The following SLC9A9 variants were observed in gnomAD, a reference collection of about 807,000 sequenced individuals.
SLC9A9 encodes the protein sodium/hydrogen exchanger 9.
SLC9A9 carries 62 observed loss-of-function variants against 77.8 expected under a neutral mutation model. The ratio of observed to expected loss-of-function variants is 0.80; its 90% CI spans 0.65 to 0.98. The LOEUF (loss-of-function observed/expected upper bound fraction) is 0.98, where lower values mean the gene tolerates loss of function less well. SLC9A9 is among the 50% of genes least tolerant of loss of function. The pLI, the probability that SLC9A9 is intolerant of heterozygous loss-of-function variation, is 0.00. For synonymous variants in SLC9A9, 320 were observed against 283.5 expected, an observed-to-expected ratio of 1.13 and a Z score of -1.29; for missense variants, 775 against 774.9, an observed-to-expected ratio of 1.00 and a Z score of 0.00.
At chr3:143,721,897 T>A (rs530910725) in intron 4 of SLC9A9, among the ~76,000 whole-genome samples, 7 of 152,198 alleles carry the variant, frequency 4.6e-5, no homozygotes, top group Non-Finnish European at 8.8e-5. Flanking sequence ...AGGAAAAGCC[T>A]AGCAAACACG....
At chr3:143,266,971 G>A in intron 15 of SLC9A9, 42 bp from the exon 16 acceptor site, 1 of 1,594,358 alleles carries the variant, frequency 6.3e-7, no homozygotes, top group Non-Finnish European at 8.6e-7. Flanking sequence ...CATGATGAAG[G>A]CAGAAAACAA....
intron 12 of SLC9A9, among the ~76,000 whole-genome samples, chr3:143,432,486 C>A (rs2034538745): frequency 6.6e-6 from 1 of 152,184 alleles, no homozygotes; most frequent in African/African-American, 2.4e-5. Flanking sequence ...CACATTCCTA[C>A]TTCATGCAGA....
chr3:143,734,352 C>T (rs770905727), intron 4 of SLC9A9, among the ~76,000 whole-genome samples: 1 of 151,854 alleles, frequency 6.6e-6, no homozygotes. Context: ...TATGTGTGTG[C>T]CTGTGTGTGT....
At chr3:143,517,761 C>T in intron 9 of SLC9A9, 3 of 1,598,394 alleles carry the variant, frequency 1.9e-6, no homozygotes, top group South Asian at 2.2e-5. Flanking sequence ...TTGACGAAGA[C>T]ACTGGCCCTC....
intron 12 of SLC9A9, among the ~76,000 whole-genome samples, chr3:143,393,183 C>A (rs1236120457): frequency 6.6e-6 from 1 of 152,140 alleles, no homozygotes; most frequent in East Asian, 1.9e-4. Context: ...CAAAATTGAC[C>A]ACATAGTTGG....
At position 143,574,191 on chromosome 3, in the gene SLC9A9, C is replaced by T; in HGVS notation, c.897G>A (p.Leu299=). The change falls in exon 8 of 16, where the codon TTG becomes TTA. Residue 299 remains leucine, a splice_region_variant and synonymous_variant. Coordinates refer to ENST00000316549, the MANE Select transcript of SLC9A9 (RefSeq NM_173653.4). ...GSAYAIITAL[L]TKFTKLCEFP... is the part of the protein sequence containing the mutation. ...ACTCACACAGCTTGGTAAATTTGGT[C>T]AAGTGAGGAAGATAAGTTAAGGGAA... The T allele has an allele frequency of 6.2e-7, 1 of 1,612,384 alleles. No homozygotes were observed. Among genetic ancestry groups the T allele is most frequent in the Admixed American group, 1.7e-5 (1 of 59,954 alleles).
intron 6 of SLC9A9, among the ~76,000 whole-genome samples, chr3:143,600,556 T>C (rs1285660180): frequency 6.6e-6 from 1 of 152,212 alleles, no homozygotes; most frequent in Non-Finnish European, 1.5e-5. Context: ...CTAATAACTC[T>C]ACTATTTCTA....
In SLC9A9 at chr3:143,684,039, TTAAAA is replaced by T. The variant is rs554040430; in HGVS notation, c.649+9148_649+9152del. On this transcript the variant is annotated intron_variant, in intron 5 of 15. Coordinates refer to ENST00000316549, the MANE Select transcript of SLC9A9 (RefSeq NM_173653.4). ...CTTATTTAATCCTTATCAAGAACCT[TTAAAA>T]TAAACCTTATAGTCCCATTTTATAT... is the stretch of plus-strand genomic sequence containing the variant. 2.2e-4 allele frequency among the ~76,000 whole-genome samples: 34 copies of T among 151,480 alleles called. 1 individual carries two copies. The South Asian group carries it at 6.6e-3, about 30-fold the overall frequency.
chr3:143,513,678 A>G (rs2036156369), intron 9 of SLC9A9, among the ~76,000 whole-genome samples: 1 of 152,202 alleles, frequency 6.6e-6, no homozygotes. Flanking sequence ...TGCAAAATGT[A>G]TTCCTTAAAT....
intron 5 of SLC9A9, among the ~76,000 whole-genome samples, chr3:143,684,312 G>A (rs1000359238): frequency 2.0e-5 from 3 of 151,946 alleles, no homozygotes; most frequent in African/African-American, 7.2e-5. Flanking sequence ...AAGCACTTGT[G>A]TATTTTGCCT....
chr3:143,623,358 T>C (rs1184895859), intron 6 of SLC9A9, among the ~76,000 whole-genome samples: 5 of 152,188 alleles, frequency 3.3e-5, no homozygotes, highest in Admixed American at 6.5e-5. Flanking sequence ...GACCACATAG[T>C]TGGAAGTAAA....
intron 3 of SLC9A9, 55 bp from the exon 4 acceptor site, chr3:143,795,132 A>G: frequency 2.6e-6 from 4 of 1,520,408 alleles, no homozygotes; most frequent in Non-Finnish European, 3.6e-6. Context: ...TCTTAGTGCA[A>G]AAGAAAATAA....
intron 8 of SLC9A9, among the ~76,000 whole-genome samples, chr3:143,555,199 C>T (rs1477613363): frequency 2.0e-5 from 3 of 152,156 alleles, no homozygotes; most frequent in African/African-American, 7.2e-5. Context: ...GGGGTTTCCC[C>T]TTTCACTTGG....
At chr3:143,752,217 T>C (rs920586626) in intron 4 of SLC9A9, among the ~76,000 whole-genome samples, 8 of 152,212 alleles carry the variant, frequency 5.3e-5, no homozygotes, top group African/African-American at 1.7e-4. Context: ...ATCTCTCTCA[T>C]TAGCAGAGAG....
intron 12 of SLC9A9, among the ~76,000 whole-genome samples, chr3:143,463,601 G>A (rs138388390): frequency 2.8e-4 from 42 of 152,272 alleles, no homozygotes; most frequent in Admixed American, 1.3e-3. Flanking sequence ...CAGAAGGGAG[G>A]AGAACCGGAT....
At chr3:143,490,949 G>T (rs368795830) in intron 11 of SLC9A9, among the ~76,000 whole-genome samples, 1 of 152,044 alleles carries the variant, frequency 6.6e-6, no homozygotes, top group Non-Finnish European at 1.5e-5. Context: ...TAAAAATGAC[G>T]TTAGAAATAT....
intron 11 of SLC9A9, among the ~76,000 whole-genome samples, chr3:143,477,330 A>ATTTTTTTT (rs59195338): frequency 0.027 from 2,723 of 99,824 alleles, 62 homozygotes; most frequent in Non-Finnish European, 0.039. Flanking sequence ...GGCTTCTTCA[A>ATTTTTTTT]TTTTTTTTTT....
intron 8 of SLC9A9, among the ~76,000 whole-genome samples, chr3:143,558,854 G>C (rs1490394084): frequency 1.3e-5 from 2 of 152,150 alleles, no homozygotes; most frequent in Non-Finnish European, 2.9e-5. Flanking sequence ...CATGAGATCT[G>C]GGAGGGGGCA....
intron 2 of SLC9A9, among the ~76,000 whole-genome samples, chr3:143,828,830 A>C (rs761993823): frequency 2.6e-5 from 4 of 152,236 alleles, no homozygotes; most frequent in Non-Finnish European, 5.9e-5. Context: ...GATGTGAAGT[A>C]AAGAAGAACA....
Sources: gnomAD v4.1 joint callset for allele counts (sites outside exome capture counted in the v4.1 genomes callset) on GRCh38, gnomAD v4.1.1 for gene constraint, MANE v1.5 for transcripts, NCBI Gene and HGNC (gene_info 2026-07-23, HGNC 2026-07-21) for gene names.